The following XKR6 variants were observed in gnomAD, a reference collection of about 807,000 sequenced individuals.
XKR6 encodes the protein XK related 6.
A neutral mutation model predicts 56.7 loss-of-function variants in XKR6; 22 were observed. The ratio of observed to expected loss-of-function variants is 0.39; its 90% confidence interval spans 0.28 to 0.55. The LOEUF (loss-of-function observed/expected upper bound fraction) is 0.55. Ranked by LOEUF, XKR6 falls within the 20% of genes least tolerant of loss-of-function variation. The pLI is 0.66. For missense variants in XKR6, 852 were observed against 889.0 expected (o/e 0.96, Z 0.53); for synonymous variants, 524 against 387.8 (o/e 1.35, Z -4.13).
chr8:11,024,426 G>A (rs1340838404), intron 1 of XKR6, among the ~76,000 whole-genome samples: 1 of 152,168 alleles, frequency 6.6e-6, no homozygotes, highest in African/African-American at 2.4e-5. Context: ...ATGATGTAGG[G>A]ATGCTCTAAG....
chr8:11,072,859 G>A (rs1425462015), intron 1 of XKR6, among the ~76,000 whole-genome samples: 5 of 152,032 alleles, frequency 3.3e-5, no homozygotes, highest in Non-Finnish European at 7.4e-5. Flanking sequence ...AGACCAGCCT[G>A]GCCAACATGG....
chr8:10,964,067 C>G (rs1277940624), intron 1 of XKR6, among the ~76,000 whole-genome samples: 1 of 152,176 alleles, frequency 6.6e-6, no homozygotes, highest in Non-Finnish European at 1.5e-5. Flanking sequence ...ACACAGAGTA[C>G]CTACCACTCA....
chr8:10,908,109 T>C (rs1800234538), intron 2 of XKR6, among the ~76,000 whole-genome samples: 1 of 152,236 alleles, frequency 6.6e-6, no homozygotes, highest in South Asian at 2.1e-4. Context: ...TGGCTGAGAC[T>C]TGCTCTGGCC....
intron 1 of XKR6, among the ~76,000 whole-genome samples, chr8:11,170,277 T>C (rs760484577): frequency 4.6e-5 from 7 of 152,110 alleles, no homozygotes; most frequent in Non-Finnish European, 1.0e-4. Context: ...TTCATAAAAG[T>C]CAAATACTGG....
Position 11,143,493 on chromosome 8 carries a change from G to C in XKR6, c.764+57083C>G, listed in dbSNP as rs116593249. Among the ~76,000 whole-genome samples the C allele has an allele frequency of 4.3e-3, 662 of 152,346 alleles. 3 individuals carry two copies. The highest frequency in any genetic ancestry group is 0.015 in the African/African-American group (628 of 41,582). On this transcript the variant is annotated intron_variant, in intron 1 of 2. Transcript: ENST00000416569. ...TGTTGAATTACACCAGCAGAGCGCA[G>C]ACTGAGAAACAACATTAAATAGCTG... is the stretch of plus-strand genomic sequence containing the variant.
intron 1 of XKR6, among the ~76,000 whole-genome samples, chr8:11,046,143 A>G (rs2129157888): frequency 6.6e-6 from 1 of 152,356 alleles, no homozygotes; most frequent in Non-Finnish European, 1.5e-5. Context: ...TCACACCTGT[A>G]ATCCCAGCAC....
intron 1 of XKR6, among the ~76,000 whole-genome samples, chr8:11,027,461 A>G (rs1339741580): frequency 6.6e-6 from 1 of 152,204 alleles, no homozygotes; most frequent in Non-Finnish European, 1.5e-5. Context: ...CTATTGGCCA[A>G]TGCAGATCTA....
chr8:10,941,287 C>T (rs955632327), intron 1 of XKR6, among the ~76,000 whole-genome samples: 1 of 152,184 alleles, frequency 6.6e-6, no homozygotes, highest in African/African-American at 2.4e-5. Flanking sequence ...GGGGCAGGAA[C>T]AGAGGGGACG....
chr8:10,980,250 G>A (rs559166378), intron 1 of XKR6, among the ~76,000 whole-genome samples: 1 of 152,300 alleles, frequency 6.6e-6, no homozygotes. Flanking sequence ...CAGGAGGTCT[G>A]GGGAGGGCTG....
At chr8:11,079,640 G>A (rs1207206098) in intron 1 of XKR6, among the ~76,000 whole-genome samples, 1 of 152,220 alleles carries the variant, frequency 6.6e-6, no homozygotes, top group East Asian at 1.9e-4. Context: ...AATTGTGTTA[G>A]AAAGACCAGG....
chr8:11,051,202 C>A (rs908658862), intron 1 of XKR6, among the ~76,000 whole-genome samples: 2 of 152,070 alleles, frequency 1.3e-5, no homozygotes, highest in African/African-American at 2.4e-5. Flanking sequence ...GTTCCAGACA[C>A]TTCTTCTTCC....
intron 1 of XKR6, among the ~76,000 whole-genome samples, chr8:11,007,445 C>G (rs1446040155): frequency 6.6e-6 from 1 of 152,134 alleles, no homozygotes; most frequent in Non-Finnish European, 1.5e-5. Flanking sequence ...TGCCTAAAAG[C>G]CAAAATCATG....
chr8:11,084,287 G>A (rs1797814559), intron 1 of XKR6, among the ~76,000 whole-genome samples: 1 of 152,220 alleles, frequency 6.6e-6, no homozygotes, highest in African/African-American at 2.4e-5. Flanking sequence ...TGCGTACACT[G>A]CTCCCGGTAA....
chr8:11,185,270 G>A (rs373169224), intron 1 of XKR6, among the ~76,000 whole-genome samples: 1 of 152,150 alleles, frequency 6.6e-6, no homozygotes, highest in Non-Finnish European at 1.5e-5. Flanking sequence ...TTAAATATAG[G>A]TATGGCTCAC....
intron 1 of XKR6, among the ~76,000 whole-genome samples, chr8:11,079,518 T>C (rs1797640319): frequency 6.6e-6 from 1 of 152,218 alleles, no homozygotes; most frequent in Non-Finnish European, 1.5e-5. Flanking sequence ...TTTGGAAGTC[T>C]ACACTGCACC....
At chr8:10,959,117 T>C (rs1229167444) in intron 1 of XKR6, among the ~76,000 whole-genome samples, 5 of 152,178 alleles carry the variant, frequency 3.3e-5, no homozygotes, top group African/African-American at 1.2e-4. Context: ...TGGGGGTCCC[T>C]GGACTGAGCT....
At chr8:10,947,141 C>T (rs1011032152) in intron 1 of XKR6, among the ~76,000 whole-genome samples, 3 of 151,974 alleles carry the variant, frequency 2.0e-5, no homozygotes, top group East Asian at 1.9e-4. Context: ...CCAGTGACTA[C>T]GAGTGAGGAG....
At position 10,924,742 on chromosome 8, in the gene XKR6, C is replaced by T. The variant is rs1370924955; in HGVS notation, c.853G>A (p.Ala285Thr). 4 of 1,613,916 alleles carry T rather than the reference C, an allele frequency of 2.5e-6. No individual in the cohort carries two copies. Among genetic ancestry groups the T allele is most frequent in the Non-Finnish European group, 3.4e-6 (4 of 1,180,018 alleles). Residue 285 changes from alanine to threonine, a missense_variant, in exon 2 of 3, where the codon GCA becomes ACA. Ala to Thr is a moderately conservative substitution (Grantham distance 58). Transcript: ENST00000416569. ...RFYWAMMYEY[A>T]DVNMLRLLET... ...AGGAGGCGCAGCATGTTGACGTCTGCATATTCATACATCATAGCCCAGTAG... is the reference window on the plus strand; with the variant it reads ...AGGAGGCGCAGCATGTTGACGTCTGTATATTCATACATCATAGCCCAGTAG...
In XKR6 at chr8:11,061,705, A is replaced by T. The variant is rs1029797480; in HGVS notation, c.765-136875T>A. On this transcript the variant is annotated intron_variant, in intron 1 of 2. Coordinates refer to ENST00000416569, the MANE Select transcript of XKR6 (RefSeq NM_173683.4). ...AAGTACAGAGGAAAGAGAATTAAAC[A>T]TCCATTCCCCTCTTCCAGGAGCAGA... Among the ~76,000 whole-genome samples the T allele has an allele frequency of 3.3e-5, 5 of 152,274 alleles. No individual in the cohort carries two copies. In the East Asian group the frequency reaches 9.7e-4, roughly 29 times the overall value.
Sources: gnomAD v4.1 joint callset for allele counts (sites outside exome capture counted in the v4.1 genomes callset) on GRCh38, gnomAD v4.1.1 for gene constraint, MANE v1.5 for transcripts, NCBI Gene and HGNC (gene_info 2026-07-23, HGNC 2026-07-21) for gene names.